The following RAB1A variants were observed in gnomAD, a reference collection of about 807,000 sequenced individuals.
RAB1A encodes RAB1A, member RAS oncogene family.
A neutral mutation model predicts 26.0 loss-of-function variants in RAB1A; 2 were observed. The observed-to-expected ratio is 0.08, with a 90% confidence interval of 0.03 to 0.24. RAB1A has a LOEUF of 0.24. Among genes scored for constraint, RAB1A ranks in the 10% least tolerant of loss-of-function variants. RAB1A has a pLI of 1.00. For synonymous variants in RAB1A, 84 were observed against 84.9 expected, an observed-to-expected ratio of 0.99 and a Z score of 0.06; for missense variants, 100 against 247.0, an observed-to-expected ratio of 0.40 and a Z score of 3.99.
intron 1 of RAB1A, among the ~76,000 whole-genome samples, chr2:65,122,431 G>A (rs184617427): frequency 7.3e-5 from 11 of 151,042 alleles, no homozygotes; most frequent in Admixed American, 5.3e-4. Context: ...GGTGGCACGC[G>A]CTTGTATTCT....
rs36072792 is a variant in RAB1A, at chr2:65,087,217, C to A, written c.*1276G>T. On this transcript the variant is annotated 3_prime_UTR_variant, in exon 6 of 6. Transcript: ENST00000409784. ...CCTCACAATTAAAAACCAAACAAAA[C>A]CCCCTAGGATCTTGAAGGTCCTATT... 2,502 of 152,646 alleles carry A rather than the reference C, an allele frequency of 0.016. 25 individuals carry two copies. Among genetic ancestry groups the A allele is most frequent in the Middle Eastern group, 0.027 (8 of 294 alleles). 9.5% of individuals were successfully genotyped at this position (152,646 alleles called of 1,614,324 possible). A position where few individuals can be genotyped will look rare whatever the true frequency, so the allele number is the denominator to read the frequency against.
intron 2 of RAB1A, among the ~76,000 whole-genome samples, chr2:65,101,791 C>T (rs1448300539): frequency 7.3e-6 from 1 of 137,356 alleles, no homozygotes; most frequent in Non-Finnish European, 1.5e-5. Flanking sequence ...CTCTTGTTGC[C>T]CAGGCTGGAG....
intron 2 of RAB1A, among the ~76,000 whole-genome samples, chr2:65,102,128 T>C (rs1669445184): frequency 6.6e-6 from 1 of 152,178 alleles, no homozygotes; most frequent in African/African-American, 2.4e-5. Flanking sequence ...TCTTTTCTTG[T>C]TGATGTGCAA....
At chr2:65,110,441 A>C (rs1033731088) in intron 1 of RAB1A, among the ~76,000 whole-genome samples, 1 of 150,718 alleles carries the variant, frequency 6.6e-6, no homozygotes, top group African/African-American at 2.4e-5. Context: ...ACCGTCTCAA[A>C]AAAAAAAAAA....
At chr2:65,105,962 G>A (rs1418707140) in intron 1 of RAB1A, among the ~76,000 whole-genome samples, 4 of 151,936 alleles carry the variant, frequency 2.6e-5, no homozygotes, top group East Asian at 1.9e-4. Flanking sequence ...GGGTTTCACC[G>A]TGTTGGCCAG....
chr2:65,117,935 G>A (rs979988195), intron 1 of RAB1A, among the ~76,000 whole-genome samples: 3 of 152,202 alleles, frequency 2.0e-5, no homozygotes, highest in African/African-American at 7.2e-5. Context: ...TTGTTGTAGT[G>A]GGACATCCAA....
At chr2:65,125,827 C>T (rs544762862) in intron 1 of RAB1A, among the ~76,000 whole-genome samples, 1 of 142,356 alleles carries the variant, frequency 7.0e-6, no homozygotes, top group Non-Finnish European at 1.5e-5. Context: ...CCCTTTCTAT[C>T]TACTTTTTTA....
intron 1 of RAB1A, among the ~76,000 whole-genome samples, chr2:65,107,191 A>C (rs1253768749): frequency 6.6e-6 from 1 of 151,760 alleles, no homozygotes; most frequent in African/African-American, 2.4e-5. Flanking sequence ...TCAGCCTCTG[A>C]AGTAGCTGGG....
intron 1 of RAB1A, among the ~76,000 whole-genome samples, chr2:65,107,066 TTTTG>T (rs1489410051): frequency 5.7e-5 from 8 of 141,160 alleles, no homozygotes; most frequent in Non-Finnish European, 9.2e-5. Context: ...AATATTCTTT[TTTTG>T]TTTGTTTGTT....
intron 1 of RAB1A, among the ~76,000 whole-genome samples, chr2:65,127,757 G>A (rs1348294649): frequency 3.3e-5 from 5 of 151,868 alleles, no homozygotes; most frequent in African/African-American, 1.2e-4. Flanking sequence ...TTTTTGAGAC[G>A]GAGTCTTGCT....
intron 1 of RAB1A, among the ~76,000 whole-genome samples, chr2:65,127,438 A>G (rs1670124484): frequency 6.6e-6 from 1 of 151,902 alleles, no homozygotes; most frequent in African/African-American, 2.4e-5. Flanking sequence ...TGACATGTAT[A>G]AAATCTATTT....
At chr2:65,089,325 G>A (rs1232840045) in intron 4 of RAB1A, among the ~76,000 whole-genome samples, 2 of 151,688 alleles carry the variant, frequency 1.3e-5, no homozygotes, top group Non-Finnish European at 2.9e-5. Flanking sequence ...CCATCCTCCC[G>A]CCTCCGCCTC....
At chr2:65,126,220 A>G (rs916640905) in intron 1 of RAB1A, among the ~76,000 whole-genome samples, 3 of 151,916 alleles carry the variant, frequency 2.0e-5, no homozygotes, top group African/African-American at 7.2e-5. Flanking sequence ...AGACCAAGGC[A>G]GGAAAATCGC....
Position 65,087,502 on chromosome 2 carries a change from A to G in RAB1A, c.*991T>C, listed in dbSNP as rs1669062806. On this transcript the variant is annotated 3_prime_UTR_variant, in exon 6 of 6. Transcript: ENST00000409784. ...ACATTAGTCTGATCATTTGCCAATT[A>G]GGAAAGGTGCTGCTTTCTACCTCTA... is the stretch of plus-strand genomic sequence containing the variant. 6.6e-6 allele frequency: 1 copy of G among 152,670 alleles called. No individual in the cohort carries two copies. The highest frequency in any genetic ancestry group is 2.4e-5 in the African/African-American group (1 of 41,470). 9.5% of individuals were successfully genotyped at this position (152,670 alleles called of 1,614,324 possible).
chr2:65,116,011 T>C lies in RAB1A; in HGVS notation c.24-11205A>G, dbSNP rs572461154. ...TCTCTACTAAAAATACAAAAATTAG[T>C]TGGGCGTGGTGGTGGGCACCTCCAG... On this transcript the variant is annotated intron_variant, in intron 1 of 5. Coordinates refer to ENST00000409784, the MANE Select transcript of RAB1A (RefSeq NM_004161.5). Among the ~76,000 whole-genome samples the C allele has an allele frequency of 3.9e-5, 6 of 152,000 alleles. No individual in the cohort carries two copies. The South Asian group carries it at 1.0e-3, about 26-fold the overall frequency.
At chr2:65,116,905 A>T (rs979557200) in intron 1 of RAB1A, among the ~76,000 whole-genome samples, 2 of 152,260 alleles carry the variant, frequency 1.3e-5, no homozygotes, top group Admixed American at 1.3e-4. Context: ...TCATAGAAAG[A>T]CATCCATGAC....
At chr2:65,129,044 C>T (rs982325044) in intron 1 of RAB1A, among the ~76,000 whole-genome samples, 4 of 152,058 alleles carry the variant, frequency 2.6e-5, no homozygotes, top group South Asian at 4.1e-4. Context: ...TAATCCAAAA[C>T]CTACATACAG....
At chr2:65,103,743 T>C (rs1669489339) in intron 2 of RAB1A, among the ~76,000 whole-genome samples, 1 of 152,084 alleles carries the variant, frequency 6.6e-6, no homozygotes, top group Admixed American at 6.6e-5. Context: ...TGAGAAACAA[T>C]GATCTCTAGA....
intron 1 of RAB1A, among the ~76,000 whole-genome samples, chr2:65,110,338 G>A (rs1231985388): frequency 1.3e-5 from 2 of 151,946 alleles, no homozygotes; most frequent in African/African-American, 2.4e-5. Context: ...CTACTCAGGA[G>A]GCTGAGGCAG....
Sources: allele counts gnomAD v4.1 joint callset (sites outside exome capture counted in the v4.1 genomes callset), GRCh38; gene constraint gnomAD v4.1.1; transcripts MANE v1.5; gene names NCBI Gene and HGNC (gene_info 2026-07-23, HGNC 2026-07-21).